The following RAP1GDS1 variants were observed in gnomAD, a reference collection of about 807,000 sequenced individuals.
The protein encoded by RAP1GDS1 is RAP1, GTP-GDP dissociation stimulator 1.
A neutral mutation model predicts 71.1 loss-of-function variants in RAP1GDS1; 35 were observed. The ratio of observed to expected loss-of-function variants is 0.49; its 90% CI spans 0.38 to 0.65. The LOEUF (loss-of-function observed/expected upper bound fraction) is 0.65. Among genes scored for constraint, RAP1GDS1 ranks in the 30% least tolerant of loss-of-function variants. The pLI is 0.00. For synonymous variants in RAP1GDS1, 229 were observed against 243.1 expected (o/e 0.94, Z 0.54); for missense variants, 663 against 706.1 (o/e 0.94, Z 0.69).
At chr4:98,329,316 A>T (rs1733596980) in intron 2 of RAP1GDS1, among the ~76,000 whole-genome samples, 1 of 152,214 alleles carries the variant, frequency 6.6e-6, no homozygotes, top group South Asian at 2.1e-4. Flanking sequence ...ACATTTAAGT[A>T]AATAACTAAT....
chr4:98,442,657 T>TA lies in RAP1GDS1; in HGVS notation c.*541dup, dbSNP rs1752017414. 4.4e-6 allele frequency: 1 copy of TA among 228,066 alleles called. No individual in the cohort carries two copies. The highest frequency in any genetic ancestry group is 8.7e-6 in the Non-Finnish European group (1 of 114,662). 14.1% of individuals were successfully genotyped at this position (228,066 alleles called of 1,614,324 possible). ...GAGTTAAATAAAATTCCAATGCTCT[T>TA]ACTCTTTAACTTCTGGTTTCTCCTT... On this transcript the variant is annotated 3_prime_UTR_variant, in exon 15 of 15. Coordinates refer to ENST00000408927, the MANE Select transcript of RAP1GDS1 (RefSeq NM_001100427.2).
intron 13 of RAP1GDS1, among the ~76,000 whole-genome samples, chr4:98,436,020 G>A (rs1211402061): frequency 2.0e-5 from 3 of 151,198 alleles, no homozygotes; most frequent in South Asian, 2.1e-4. Context: ...GCAGTGAGCC[G>A]AGATCGCGCC....
intron 14 of RAP1GDS1, among the ~76,000 whole-genome samples, chr4:98,439,137 A>T (rs549847920): frequency 2.6e-5 from 4 of 152,236 alleles, no homozygotes; most frequent in Non-Finnish European, 5.9e-5. Context: ...GCCAAAAAAA[A>T]TTTTTTTCAT....
chr4:98,388,619 G>A (rs573881478), intron 5 of RAP1GDS1, among the ~76,000 whole-genome samples: 29 of 152,220 alleles, frequency 1.9e-4, no homozygotes, highest in Middle Eastern at 3.4e-3. Context: ...CCAGCTACTC[G>A]GGAGGCTGAG....
In RAP1GDS1 at chr4:98,331,054, G is replaced by A. The variant is rs971307450; in HGVS notation, c.113-12085G>A. 2.6e-4 allele frequency among the ~76,000 whole-genome samples: 39 copies of A among 152,188 alleles called. 1 individual carries two copies. The highest frequency in any genetic ancestry group is 1.2e-4 in the Non-Finnish European group (8 of 68,028). The stretch of plus-strand genomic sequence containing the variant: ...ACTCCGTCTGCAATCCCAGCACCTC[G>A]GGAGGCCAAGGCGGGCAGATACTCG... On this transcript the variant is annotated intron_variant, in intron 2 of 14. Coordinates refer to ENST00000408927, the MANE Select transcript of RAP1GDS1 (RefSeq NM_001100427.2).
chr4:98,369,725 T>G (rs1251675229), intron 4 of RAP1GDS1, among the ~76,000 whole-genome samples: 1 of 152,034 alleles, frequency 6.6e-6, no homozygotes. Flanking sequence ...ACTTGAGGAT[T>G]CTTTTGGTTG....
intron 2 of RAP1GDS1, among the ~76,000 whole-genome samples, chr4:98,310,465 A>G (rs1398982282): frequency 1.3e-5 from 2 of 152,184 alleles, no homozygotes; most frequent in East Asian, 3.8e-4. Context: ...GAATAATCAT[A>G]AAATAATGAA....
intron 2 of RAP1GDS1, among the ~76,000 whole-genome samples, chr4:98,334,201 C>A (rs963345848): frequency 6.6e-6 from 1 of 152,014 alleles, no homozygotes; most frequent in Non-Finnish European, 1.5e-5. Context: ...ACTATGTAGA[C>A]ATAACATACA....
At chr4:98,323,675 A>G (rs1310517443) in intron 2 of RAP1GDS1, among the ~76,000 whole-genome samples, 1 of 135,322 alleles carries the variant, frequency 7.4e-6, no homozygotes, top group African/African-American at 2.8e-5. Flanking sequence ...CAAAAACCAC[A>G]TGATTATCTC....
intron 2 of RAP1GDS1, among the ~76,000 whole-genome samples, chr4:98,314,045 G>A (rs748518255): frequency 5.3e-5 from 8 of 152,002 alleles, no homozygotes; most frequent in Non-Finnish European, 5.9e-5. Context: ...TCTTTTCCAT[G>A]GTTAAGTGTT....
intron 2 of RAP1GDS1, among the ~76,000 whole-genome samples, chr4:98,311,695 A>G (rs1730244200): frequency 6.6e-6 from 1 of 152,202 alleles, no homozygotes. Flanking sequence ...GGAGTGCAGT[A>G]GTGGGATCCA....
At chr4:98,389,004 T>C (rs1743199008) in intron 5 of RAP1GDS1, among the ~76,000 whole-genome samples, 1 of 140,504 alleles carries the variant, frequency 7.1e-6, no homozygotes, top group African/African-American at 3.1e-5. Context: ...AGAATAGCAG[T>C]TTGTTTTACT....
intron 1 of RAP1GDS1, among the ~76,000 whole-genome samples, chr4:98,281,391 A>C (rs1725073536): frequency 6.6e-6 from 1 of 152,082 alleles, no homozygotes; most frequent in African/African-American, 2.4e-5. Flanking sequence ...ATGGGAGTTC[A>C]CTCATGATTT....
At chr4:98,285,910 A>G (rs1201598822) in intron 1 of RAP1GDS1, among the ~76,000 whole-genome samples, 1 of 130,426 alleles carries the variant, frequency 7.7e-6, no homozygotes, top group Non-Finnish European at 1.6e-5. Flanking sequence ...ATTATAAATT[A>G]TTTATAATAT....
At chr4:98,434,952 A>G (rs1421361480) in intron 13 of RAP1GDS1, among the ~76,000 whole-genome samples, 1 of 152,162 alleles carries the variant, frequency 6.6e-6, no homozygotes, top group Non-Finnish European at 1.5e-5. Context: ...GGCAGAATTC[A>G]TCACGAGAAG....
At chr4:98,361,256 A>G (rs1272806645) in intron 4 of RAP1GDS1, among the ~76,000 whole-genome samples, 1 of 151,914 alleles carries the variant, frequency 6.6e-6, no homozygotes, top group Non-Finnish European at 1.5e-5. Context: ...TAATTTAAGT[A>G]TGAAATAGTT....
chr4:98,441,852 G>T, intron 14 of RAP1GDS1, 138 bp from the exon 15 acceptor site: 12 of 909,902 alleles, frequency 1.3e-5, no homozygotes, highest in Non-Finnish European at 1.7e-5. Context: ...GACATTGCTA[G>T]GCTACTGCTA....
intron 3 of RAP1GDS1, among the ~76,000 whole-genome samples, chr4:98,349,072 G>A (rs986325038): frequency 5.9e-5 from 9 of 152,212 alleles, no homozygotes; most frequent in African/African-American, 1.9e-4. Flanking sequence ...TATTGCCTAG[G>A]TTTTCTTCTA....
intron 2 of RAP1GDS1, among the ~76,000 whole-genome samples, chr4:98,341,505 C>T (rs751371452): frequency 3.3e-5 from 5 of 152,206 alleles, no homozygotes; most frequent in Non-Finnish European, 7.3e-5. Context: ...CGCCTCCACA[C>T]ATAACAAATG....
Sources: gnomAD v4.1 joint callset for allele counts (sites outside exome capture counted in the v4.1 genomes callset) on GRCh38, gnomAD v4.1.1 for gene constraint, MANE v1.5 for transcripts, NCBI Gene and HGNC (gene_info 2026-07-23, HGNC 2026-07-21) for gene names.